TOPBP1: variants seen among roughly 807,000 people sequenced by gnomAD.
TOPBP1 encodes DNA topoisomerase 2-binding protein 1.
A neutral mutation model predicts 167.7 loss-of-function variants in TOPBP1; 28 were observed. The ratio of observed to expected loss-of-function variants is 0.17; its 90% CI spans 0.12 to 0.23. The LOEUF (loss-of-function observed/expected upper bound fraction) is 0.23, where lower values mean the gene tolerates loss of function less well. TOPBP1 is among the 10% of genes least tolerant of loss of function. TOPBP1 has a pLI of 1.00. For synonymous variants in TOPBP1, 598 were observed against 611.4 expected (o/e 0.98, Z 0.32); for missense variants, 1,554 against 1,809.6 (o/e 0.86, Z 2.56).
intron 13 of TOPBP1, among the ~76,000 whole-genome samples, chr3:133,638,936 T>A (rs555245904): frequency 4.9e-4 from 75 of 152,278 alleles, no homozygotes; most frequent in Non-Finnish European, 7.9e-4. Flanking sequence ...ACAACCATTA[T>A]AACACTGAGG....
chr3:133,614,421 G>T (rs1934792190), intron 23 of TOPBP1, among the ~76,000 whole-genome samples: 1 of 151,980 alleles, frequency 6.6e-6, no homozygotes. Flanking sequence ...CAACATAATA[G>T]ACTGATTTAT....
intron 12 of TOPBP1, among the ~76,000 whole-genome samples, chr3:133,642,565 GCAT>G (rs910950654): frequency 6.6e-6 from 1 of 152,154 alleles, no homozygotes; most frequent in African/African-American, 2.4e-5. Flanking sequence ...GGATCTAGAA[GCAT>G]CATCAGATTG....
At chr3:133,616,999 T>G (rs1295299397) in intron 22 of TOPBP1, 74 bp from the exon 23 acceptor site, 1 of 1,256,062 alleles carries the variant, frequency 8.0e-7, no homozygotes, top group Admixed American at 3.2e-5. Flanking sequence ...TATAGTGGTA[T>G]TTTACTCAGT....
chr3:133,624,595 T>C (rs9876306), intron 16 of TOPBP1, among the ~76,000 whole-genome samples: 16,867 of 152,270 alleles, frequency 0.11, 1,021 homozygotes, highest in African/African-American at 0.16. Flanking sequence ...AAATATTACT[T>C]TCTTCTTTAT....
intron 6 of TOPBP1, among the ~76,000 whole-genome samples, chr3:133,654,490 T>C (rs1338219753): frequency 6.6e-6 from 1 of 152,216 alleles, no homozygotes. Context: ...GTATCAACTC[T>C]ACTCACAGTG....
chr3:133,651,698 C>T (rs769826576), intron 8 of TOPBP1, among the ~76,000 whole-genome samples: 7 of 152,058 alleles, frequency 4.6e-5, no homozygotes, highest in Non-Finnish European at 8.8e-5. Flanking sequence ...AAATACCAAA[C>T]AAAGCAGTGG....
intron 6 of TOPBP1, among the ~76,000 whole-genome samples, chr3:133,654,343 C>T (rs1936406513): frequency 6.6e-6 from 1 of 152,072 alleles, no homozygotes; most frequent in Non-Finnish European, 1.5e-5. Flanking sequence ...TCTTTTATTA[C>T]CTTAAAAATC....
Position 133,644,359 on chromosome 3 carries a change from C to T in TOPBP1, c.1509G>A (p.Glu503=). The change falls in exon 11 of 28, where the codon GAG becomes GAA. Residue 503 remains glutamate, a synonymous_variant. Coordinates refer to ENST00000260810, the MANE Select transcript of TOPBP1 (RefSeq NM_007027.4). ...AGGGCCTGGCTTCAGACGTCTTAGC[C>T]TCAACTGAAAGAGAAAAGTAAATGT... ...QYENGSSTVV[E]AKTSEARPFN... 1.3e-6 allele frequency: 2 copies of T among 1,558,564 alleles called. No homozygotes were observed. The highest frequency in any genetic ancestry group is 1.7e-6 in the Non-Finnish European group (2 of 1,156,628).
intron 10 of TOPBP1, among the ~76,000 whole-genome samples, chr3:133,648,659 T>C (rs1191566684): frequency 2.6e-5 from 4 of 152,000 alleles, no homozygotes; most frequent in African/African-American, 9.7e-5. Flanking sequence ...TAGCCAGGGG[T>C]GGTGGCGCAT....
At chr3:133,625,523 G>A (rs1337732600) in intron 16 of TOPBP1, among the ~76,000 whole-genome samples, 2 of 151,996 alleles carry the variant, frequency 1.3e-5, no homozygotes, top group East Asian at 1.9e-4. Flanking sequence ...ACCTGAGGTC[G>A]GGAGTTTCAG....
chr3:133,641,324 C>A (rs1172008043), intron 12 of TOPBP1, among the ~76,000 whole-genome samples: 2 of 152,134 alleles, frequency 1.3e-5, no homozygotes, highest in African/African-American at 4.8e-5. Flanking sequence ...TTCTGCTACA[C>A]GTAACCACAC....
At chr3:133,604,204 G>A (rs542817040) in intron 27 of TOPBP1, among the ~76,000 whole-genome samples, 1 of 151,772 alleles carries the variant, frequency 6.6e-6, no homozygotes, top group African/African-American at 2.4e-5. Context: ...GCGTGATCTC[G>A]TCTCACTGCA....
At position 133,649,926 on chromosome 3, in the gene TOPBP1, A is replaced by G. The variant is rs904565971; in HGVS notation, c.1107T>C (p.Phe369=). The change falls in exon 9 of 28, where the codon TTT becomes TTC. Residue 369 remains phenylalanine, a synonymous_variant. Transcript: ENST00000260810. The stretch of plus-strand genomic sequence containing the variant: ...TCAGTTTATCTAGCTTTCTGCCACT[A>G]AAACCGCAAAGATATATCTGCAAGA... ...LDGCRIYLCG[F]SGRKLDKLRR... 1.3e-6 allele frequency: 2 copies of G among 1,598,304 alleles called. No homozygotes were observed. The highest frequency in any genetic ancestry group is 1.3e-5 in the African/African-American group (1 of 74,298).
chr3:133,643,991 C>T lies in TOPBP1; in HGVS notation c.1848+29G>A, dbSNP rs768811507. The T allele has an allele frequency of 1.9e-5, 30 of 1,547,828 alleles. No homozygotes were observed. The South Asian group carries it at 3.3e-4, about 17-fold the overall frequency. Reference sequence around the variant, plus strand: ...CTTGGCATTCAGATATCCTTCGATACTTTATTTCAACCACTAGTGTTGTCT... The same window carrying T: ...CTTGGCATTCAGATATCCTTCGATATTTTATTTCAACCACTAGTGTTGTCT... On this transcript the variant is annotated intron_variant, in intron 11 of 27. Transcript: ENST00000260810.
At chr3:133,603,140 C>A (rs1934369194) in intron 27 of TOPBP1, among the ~76,000 whole-genome samples, 2 of 152,104 alleles carry the variant, frequency 1.3e-5, no homozygotes, top group South Asian at 4.1e-4. Flanking sequence ...AGGTGATCTG[C>A]CCACCTTGGC....
At chr3:133,654,728 A>T (rs1009205713) in intron 6 of TOPBP1, among the ~76,000 whole-genome samples, 1 of 152,238 alleles carries the variant, frequency 6.6e-6, no homozygotes, top group Non-Finnish European at 1.5e-5. Context: ...TAGCAATTTT[A>T]AAGAATTTTT....
intron 25 of TOPBP1, 76 bp downstream of exon 25, chr3:133,610,928 T>C: frequency 1.4e-6 from 2 of 1,393,922 alleles, no homozygotes; most frequent in Non-Finnish European, 1.9e-6. Flanking sequence ...TGAAGCACAT[T>C]CTCTTTTAAA....
rs1397855617 is a variant in TOPBP1 at position 133,603,679 on chromosome 3, T to A, written c.4426-2286A>T. On this transcript the variant is annotated intron_variant, in intron 27 of 27. Coordinates refer to ENST00000260810, the MANE Select transcript of TOPBP1 (RefSeq NM_007027.4). The stretch of plus-strand genomic sequence containing the variant: ...TATGGGTAAACAACTAGCAACAAAG[T>A]TTGAAATAAATGGGGTAAAAGCTGA... Among the ~76,000 whole-genome samples the A allele has an allele frequency of 6.6e-4, 98 of 149,002 alleles. 3 individuals carry two copies. The highest frequency in any genetic ancestry group is 3.6e-3 in the Middle Eastern group (1 of 278).
At chr3:133,606,137 A>T (rs1375180945) in intron 27 of TOPBP1, among the ~76,000 whole-genome samples, 1 of 152,016 alleles carries the variant, frequency 6.6e-6, no homozygotes, top group Non-Finnish European at 1.5e-5. Context: ...GCAGTAAGCC[A>T]AGATCACGCC....
Sources: gnomAD v4.1 joint callset for allele counts (sites outside exome capture counted in the v4.1 genomes callset) on GRCh38, gnomAD v4.1.1 for gene constraint, MANE v1.5 for transcripts, NCBI Gene and HGNC (gene_info 2026-07-23, HGNC 2026-07-21) for gene names.